The following NELFA variants were observed in gnomAD, a reference collection of about 807,000 sequenced individuals.
NELFA encodes the protein negative elongation factor A.
In NELFA, 35 loss-of-function variants were observed where a neutral mutation model predicts 51.8. The observed-to-expected ratio is 0.68, with a 90% CI of 0.52 to 0.90. NELFA has a LOEUF of 0.90. Among genes scored for constraint, NELFA ranks in the 40% least tolerant of loss-of-function variants. The pLI, the probability that NELFA is intolerant of heterozygous loss-of-function variation, is 0.00. For synonymous variants in NELFA, 417 were observed against 338.4 expected, an observed-to-expected ratio of 1.23 and a Z score of -2.55; for missense variants, 658 against 746.4, an observed-to-expected ratio of 0.88 and a Z score of 1.38.
intron 1 of NELFA, among the ~76,000 whole-genome samples, chr4:1,997,209 G>A (rs1227078534): frequency 6.6e-6 from 1 of 152,160 alleles, no homozygotes; most frequent in Non-Finnish European, 1.5e-5. Context: ...TCATTACCAA[G>A]TTCTACCAAA....
intron 6 of NELFA, 76 bp downstream of exon 6, chr4:1,986,038 T>C: frequency 6.7e-7 from 1 of 1,485,796 alleles, no homozygotes; most frequent in Non-Finnish European, 9.1e-7. Flanking sequence ...CCGCCGAGCG[T>C]GGGCACAACC....
At chr4:1,988,230 G>A (rs1577615846) in intron 3 of NELFA, among the ~76,000 whole-genome samples, 1 of 152,228 alleles carries the variant, frequency 6.6e-6, no homozygotes, top group African/African-American at 2.4e-5. Context: ...GGTGGCTGTG[G>A]CTGCACCTCC....
At chr4:2,008,054 A>G (rs764272813) in intron 1 of NELFA, 24 of 456,668 alleles carry the variant, frequency 5.3e-5, no homozygotes, top group Non-Finnish European at 9.3e-5. Flanking sequence ...GGTCTTTGCG[A>G]GGTGAGAACA....
At chr4:2,002,054 G>A (rs1242074444) in intron 1 of NELFA, among the ~76,000 whole-genome samples, 3 of 151,802 alleles carry the variant, frequency 2.0e-5, no homozygotes, top group Non-Finnish European at 4.4e-5. Flanking sequence ...CAAAAAATTA[G>A]CCAGGCATGG....
chr4:1,999,098 C>T (rs1053016421), intron 1 of NELFA, among the ~76,000 whole-genome samples: 1 of 151,970 alleles, frequency 6.6e-6, no homozygotes, highest in African/African-American at 2.4e-5. Context: ...CAAGCAAATG[C>T]TGAGGGATTT....
intron 1 of NELFA, chr4:1,992,414 G>C (rs1189217752): frequency 5.1e-6 from 2 of 390,862 alleles, no homozygotes; most frequent in Middle Eastern, 3.5e-4. Flanking sequence ...TGGGAGGCCA[G>C]ATCCATCCAC....
chr4:2,005,371 G>C (rs1049685210), intron 1 of NELFA, among the ~76,000 whole-genome samples: 1 of 151,940 alleles, frequency 6.6e-6, no homozygotes, highest in African/African-American at 2.4e-5. Flanking sequence ...GAAAAATCAA[G>C]GAGATTCTAT....
At chr4:1,996,386 A>G (rs1015895418) in intron 1 of NELFA, among the ~76,000 whole-genome samples, 1 of 152,236 alleles carries the variant, frequency 6.6e-6, no homozygotes, top group African/African-American at 2.4e-5. Flanking sequence ...ATTAGAAGAG[A>G]ATTTATGGAC....
At chr4:1,983,569 C>T (rs2109052078) in intron 10 of NELFA, 27 bp downstream of exon 10, 1 of 1,612,512 alleles carries the variant, frequency 6.2e-7, no homozygotes, top group Non-Finnish European at 8.5e-7. Context: ...GCCCGGTGCA[C>T]CCCCAGGCCC....
chr4:1,986,849 G>A (rs897585972), intron 4 of NELFA, among the ~76,000 whole-genome samples: 1 of 152,178 alleles, frequency 6.6e-6, no homozygotes, highest in Non-Finnish European at 1.5e-5. Flanking sequence ...CAAGGCGTGC[G>A]TGGCTCTCAT....
chr4:1,984,874 A>G lies in NELFA; in HGVS notation c.970T>C (p.Tyr324His), dbSNP rs894111943. ...NNEPALPSTS[Y>H]LPSTPSVVPA... ...ACCACGCTGGGCGTGGAGGGAAGGT[A>G]GCTCGTGGAGGGCAGCGCAGGCTCA... The change falls in exon 8 of 11, where the codon TAC becomes CAC. Residue 324 changes from tyrosine (Y) to histidine (H), a missense_variant. This residue lies in a region of NELFA where 200 missense variants were observed against 167.9 expected (regional missense o/e 1.19). Transcript: ENST00000382882. The G allele has an allele frequency of 1.9e-6, 3 of 1,581,404 alleles. No individual in the cohort carries two copies. The highest frequency in any genetic ancestry group is 1.7e-6 in the Non-Finnish European group (2 of 1,162,992).
intron 8 of NELFA, 129 bp from the exon 9 acceptor site, chr4:1,984,242 GC>G (rs1385985716): frequency 3.3e-6 from 4 of 1,196,424 alleles, no homozygotes; most frequent in East Asian, 2.7e-5. Context: ...ACTCCCTGTG[GC>G]CCCCAGCCAA....
At chr4:1,984,321 G>A (rs942031540) in intron 8 of NELFA, among the ~76,000 whole-genome samples, 3 of 152,204 alleles carry the variant, frequency 2.0e-5, no homozygotes. Context: ...CAGACTCGCA[G>A]ATAAGATGTC....
At chr4:2,008,635 T>C (rs1728778777) in intron 1 of NELFA, 115 bp downstream of exon 1, 2 of 1,141,430 alleles carry the variant, frequency 1.8e-6, no homozygotes, top group Non-Finnish European at 1.2e-6. Context: ...GTTAACAGTC[T>C]GAAGGGGGAT....
intron 8 of NELFA, among the ~76,000 whole-genome samples, chr4:1,984,545 C>T (rs575426129): frequency 5.3e-5 from 8 of 152,332 alleles, no homozygotes; most frequent in East Asian, 3.9e-4. Context: ...AAAACCCTTT[C>T]GAACCCAATC....
chr4:1,983,430 C>T lies in NELFA; in HGVS notation c.1476G>A (p.Ala492=), dbSNP rs372612873. 83 of 1,614,084 alleles carry T rather than the reference C, an allele frequency of 5.1e-5. No individual in the cohort carries two copies. The highest frequency in any genetic ancestry group is 6.3e-5 in the Non-Finnish European group (74 of 1,180,034). The change falls in exon 11 of 11, where the codon GCG becomes GCA. Residue 492 remains alanine, a synonymous_variant. Transcript: ENST00000382882. ...GCATGGTTGTGCTACCCTGGCCGTC[C>T]GCCTTGGGCAGGTCCTCCGTGTGCT... ...LSEHTEDLPK[A]DGQGSTTMLV...
intron 1 of NELFA, among the ~76,000 whole-genome samples, chr4:2,004,650 G>A (rs1728662427): frequency 6.7e-6 from 1 of 149,382 alleles, no homozygotes; most frequent in Non-Finnish European, 1.5e-5. Context: ...GCCACCCCTG[G>A]CTAATTTTTA....
intron 1 of NELFA, among the ~76,000 whole-genome samples, chr4:1,993,266 C>G (rs183988795): frequency 1.2e-3 from 184 of 152,354 alleles, no homozygotes; most frequent in Non-Finnish European, 2.2e-3. Context: ...CTGGCTCGCT[C>G]TACTGGGGCT....
chr4:1,987,910 G>A lies in NELFA; in HGVS notation c.634+8C>T. 1 of 1,598,914 alleles carries A rather than the reference G, an allele frequency of 6.3e-7. No homozygotes were observed. The highest frequency in any genetic ancestry group is 8.5e-7 in the Non-Finnish European group (1 of 1,173,950). Reference sequence around the variant, plus strand: ...GCAAGGCTCACGGCACCAGGGTGGGGGCCTTACTGGTGGTGTCCATCTTCC... The same window carrying A: ...GCAAGGCTCACGGCACCAGGGTGGGAGCCTTACTGGTGGTGTCCATCTTCC... On this transcript the variant is annotated splice_region_variant and intron_variant, in intron 4 of 10. Coordinates refer to ENST00000382882, the MANE Select transcript of NELFA (RefSeq NM_005663.5).
Sources: allele counts gnomAD v4.1 joint callset (sites outside exome capture counted in the v4.1 genomes callset), GRCh38; gene constraint gnomAD v4.1.1; regional missense constraint gnomAD v4.1.1; transcripts MANE v1.5; gene names NCBI Gene and HGNC (gene_info 2026-07-23, HGNC 2026-07-21).